The following KHDRBS2 variants were observed in gnomAD, a reference collection of about 807,000 sequenced individuals.
The protein encoded by KHDRBS2 is KH domain-containing, RNA-binding, signal transduction-associated protein 2.
A neutral mutation model predicts 44.3 loss-of-function variants in KHDRBS2; 26 were observed. That is an observed-to-expected ratio of 0.59 (90% confidence interval 0.43 to 0.81). The LOEUF (loss-of-function observed/expected upper bound fraction) is 0.81, where lower values mean the gene tolerates loss of function less well. Ranked by LOEUF, KHDRBS2 falls within the 40% of genes least tolerant of loss-of-function variation. KHDRBS2 has a pLI of 0.00. For synonymous variants in KHDRBS2, 194 were observed against 151.1 expected, an observed-to-expected ratio of 1.28 and a Z score of -2.08; for missense variants, 476 against 433.1, an observed-to-expected ratio of 1.10 and a Z score of -0.88.
At chr6:61,852,696 C>T (rs141065244) in intron 6 of KHDRBS2, among the ~76,000 whole-genome samples, 1 of 151,836 alleles carries the variant, frequency 6.6e-6, no homozygotes, top group Non-Finnish European at 1.5e-5. Flanking sequence ...ATAAGGCTAT[C>T]TTTATTTTTA....
intron 6 of KHDRBS2, among the ~76,000 whole-genome samples, chr6:61,777,319 G>T (rs1393165694): frequency 4.0e-5 from 6 of 151,880 alleles, no homozygotes; most frequent in Non-Finnish European, 1.5e-5. Flanking sequence ...ATTCCACTGG[G>T]TCTAACAAAA....
chr6:61,756,812 A>T (rs531446314), intron 6 of KHDRBS2, among the ~76,000 whole-genome samples: 1 of 152,242 alleles, frequency 6.6e-6, no homozygotes, highest in African/African-American at 2.4e-5. Flanking sequence ...GATGATGAAC[A>T]TATTAAGCAT....
intron 3 of KHDRBS2, among the ~76,000 whole-genome samples, chr6:61,989,781 T>C (rs1330531478): frequency 6.6e-6 from 1 of 152,278 alleles, no homozygotes; most frequent in African/African-American, 2.4e-5. Flanking sequence ...TCTGCTCATA[T>C]CCCCCTGCCC....
chr6:62,174,903 C>G, intron 2 of KHDRBS2, among the ~76,000 whole-genome samples: 1 of 151,668 alleles, frequency 6.6e-6, no homozygotes, highest in East Asian at 1.9e-4. Flanking sequence ...TACACCACAT[C>G]ACATATTTTA....
downstream of KHDRBS2, among the ~76,000 whole-genome samples, chr6:61,677,519 T>C (rs553782347): frequency 6.6e-6 from 1 of 152,036 alleles, no homozygotes; most frequent in African/African-American, 2.4e-5. Flanking sequence ...AAAAGCTGTC[T>C]CAGGTGAAGG....
chr6:61,698,332 T>C (rs2127544472), intron 7 of KHDRBS2, among the ~76,000 whole-genome samples: 1 of 152,276 alleles, frequency 6.6e-6, no homozygotes, highest in Non-Finnish European at 1.5e-5. Context: ...TGTTTCTCTT[T>C]TCTATTCATA....
chr6:61,989,008 T>C (rs774987041), intron 3 of KHDRBS2, among the ~76,000 whole-genome samples: 3 of 152,202 alleles, frequency 2.0e-5, no homozygotes, highest in Non-Finnish European at 2.9e-5. Context: ...ACAAAATGTA[T>C]GGTGTTAAAA....
intron 6 of KHDRBS2, among the ~76,000 whole-genome samples, chr6:61,820,686 T>C (rs1789758795): frequency 1.3e-5 from 2 of 152,048 alleles, no homozygotes; most frequent in South Asian, 2.1e-4. Context: ...TTTGTATTCC[T>C]GTTTTAATGT....
In KHDRBS2 at chr6:62,215,185, A is replaced by T. The variant is rs764873347; in HGVS notation, c.92-37873T>A. ...TATTACTGTAAAAGAAACTAAAAAA[A>T]TATAACTTATATACACAAGAGAGTT... On this transcript the variant is annotated intron_variant, in intron 1 of 8. Transcript: ENST00000281156. Among the ~76,000 whole-genome samples, 13 of 151,952 alleles carry T rather than the reference A, an allele frequency of 8.6e-5. 1 individual carries two copies. Among genetic ancestry groups the T allele is most frequent in the Non-Finnish European group, 1.6e-4 (11 of 67,898 alleles).
chr6:62,201,510 T>C (rs1407168707), intron 1 of KHDRBS2, among the ~76,000 whole-genome samples: 3 of 152,178 alleles, frequency 2.0e-5, no homozygotes, highest in African/African-American at 7.2e-5. Context: ...GAGGTACACA[T>C]AGAAAATACA....
chr6:61,945,969 ATT>A (rs1472129392), intron 4 of KHDRBS2, among the ~76,000 whole-genome samples: 5 of 152,220 alleles, frequency 3.3e-5, no homozygotes, highest in African/African-American at 1.2e-4. Context: ...ATATTTTATC[ATT>A]GTGTTTGCTT....
the KHDRBS2 span, among the ~76,000 whole-genome samples, chr6:61,545,172 A>T: frequency 6.6e-6 from 1 of 152,038 alleles, no homozygotes; most frequent in Non-Finnish European, 1.5e-5. Flanking sequence ...GGGGCTGGGC[A>T]TGGTGGTTCA....
intron 6 of KHDRBS2, among the ~76,000 whole-genome samples, chr6:61,852,340 C>A (rs891731478): frequency 6.6e-6 from 1 of 151,906 alleles, no homozygotes; most frequent in Non-Finnish European, 1.5e-5. Context: ...CCAAGGCGGG[C>A]AGATTACAAG....
chr6:62,157,809 T>C (rs570631935), intron 2 of KHDRBS2, among the ~76,000 whole-genome samples: 1 of 152,206 alleles, frequency 6.6e-6, no homozygotes, highest in Non-Finnish European at 1.5e-5. Flanking sequence ...TTAAGATGAA[T>C]ATGGCTAAAA....
intron 7 of KHDRBS2, among the ~76,000 whole-genome samples, chr6:61,731,578 A>G (rs1774461711): frequency 6.6e-6 from 1 of 152,114 alleles, no homozygotes; most frequent in Admixed American, 6.6e-5. Flanking sequence ...CTAAACTATA[A>G]TGACCTTTAA....
chr6:62,282,725 A>T (rs1385200351), intron 1 of KHDRBS2, among the ~76,000 whole-genome samples: 1 of 152,200 alleles, frequency 6.6e-6, no homozygotes, highest in African/African-American at 2.4e-5. Context: ...TCATTAAACT[A>T]GGAAAGAATG....
intron 2 of KHDRBS2, among the ~76,000 whole-genome samples, chr6:62,106,594 C>T (rs1207785967): frequency 2.0e-5 from 3 of 152,092 alleles, no homozygotes; most frequent in South Asian, 2.1e-4. Flanking sequence ...GGGAATCCTC[C>T]CTAACTCATT....
At chr6:62,150,292 A>G (rs925894781) in intron 2 of KHDRBS2, among the ~76,000 whole-genome samples, 5 of 133,318 alleles carry the variant, frequency 3.8e-5, no homozygotes, top group African/African-American at 1.4e-4. Context: ...ATCATGCTTA[A>G]GAGATTGTGG....
chr6:61,659,438 T>G, the KHDRBS2 span, among the ~76,000 whole-genome samples: 6 of 151,806 alleles, frequency 4.0e-5, no homozygotes, highest in Non-Finnish European at 8.8e-5. Context: ...GGGCTCATAG[T>G]TAAAGCAATC....
Sources: gnomAD v4.1 joint callset for allele counts (sites outside exome capture counted in the v4.1 genomes callset) on GRCh38, gnomAD v4.1.1 for gene constraint, MANE v1.5 for transcripts, NCBI Gene and HGNC (gene_info 2026-07-23, HGNC 2026-07-21) for gene names.